The following CALN1 variants were observed in gnomAD, a reference collection of about 807,000 sequenced individuals.
The protein encoded by CALN1 is calcium-binding protein 8.
A neutral mutation model predicts 30.6 loss-of-function variants in CALN1; 17 were observed. The ratio of observed to expected loss-of-function variants is 0.56; its 90% CI spans 0.38 to 0.83. The LOEUF (loss-of-function observed/expected upper bound fraction) is 0.83. Ranked by LOEUF, CALN1 falls within the 40% of genes least tolerant of loss-of-function variation. The probability of loss-of-function intolerance (pLI) is 0.00; values close to 1 mark genes in which losing one functional copy is unlikely to be tolerated. For synonymous variants in CALN1, 156 were observed against 131.4 expected, an observed-to-expected ratio of 1.19 and a Z score of -1.28; for missense variants, 291 against 354.9, an observed-to-expected ratio of 0.82 and a Z score of 1.45.
chr7:72,322,215 C>A (rs1800932033), intron 2 of CALN1, among the ~76,000 whole-genome samples: 3 of 152,158 alleles, frequency 2.0e-5, no homozygotes, highest in Non-Finnish European at 4.4e-5. Context: ...ATTAGACTCT[C>A]ATAAGGAGGT....
intron 1 of CALN1, among the ~76,000 whole-genome samples, chr7:72,409,792 T>C (rs1484563109): frequency 6.6e-6 from 1 of 152,080 alleles, no homozygotes; most frequent in African/African-American, 2.4e-5. Flanking sequence ...GAAGACCCAA[T>C]TCAAAGAATC....
At chr7:72,211,222 G>A (rs775690186) in intron 3 of CALN1, among the ~76,000 whole-genome samples, 1 of 152,072 alleles carries the variant, frequency 6.6e-6, no homozygotes, top group Non-Finnish European at 1.5e-5. Flanking sequence ...CTCAGTCTCT[G>A]CACCTCTTTT....
chr7:71,916,255 A>G (rs1457156704), intron 5 of CALN1, among the ~76,000 whole-genome samples: 1 of 152,046 alleles, frequency 6.6e-6, no homozygotes, highest in Non-Finnish European at 1.5e-5. Context: ...TCAATCAAAC[A>G]TTCTTAGTCC....
chr7:72,420,385 A>T, intron 1 of CALN1, among the ~76,000 whole-genome samples: 1 of 151,848 alleles, frequency 6.6e-6, no homozygotes, highest in South Asian at 2.1e-4. Context: ...ACAGGGGCAG[A>T]TTTTGCTGAG....
At chr7:72,397,875 T>C (rs988179186) in intron 2 of CALN1, among the ~76,000 whole-genome samples, 2 of 152,296 alleles carry the variant, frequency 1.3e-5, no homozygotes, top group South Asian at 2.1e-4. Context: ...CCTTCCATTA[T>C]AAGCCAAGGA....
At chr7:72,370,006 C>T (rs113890777) in intron 2 of CALN1, among the ~76,000 whole-genome samples, 43 of 151,956 alleles carry the variant, frequency 2.8e-4, no homozygotes, top group Middle Eastern at 3.4e-3. Flanking sequence ...GTACATCATA[C>T]AAAAAATGTA....
chr7:71,830,025 G>A (rs923023312), intron 5 of CALN1, among the ~76,000 whole-genome samples: 56 of 138,642 alleles, frequency 4.0e-4, no homozygotes, highest in Non-Finnish European at 7.9e-4. Context: ...GTGTGCATGA[G>A]TAAGTTCCTT....
intron 2 of CALN1, among the ~76,000 whole-genome samples, chr7:72,397,475 G>A (rs779493742): frequency 5.3e-5 from 8 of 152,140 alleles, no homozygotes; most frequent in Non-Finnish European, 1.2e-4. Context: ...AGTATGATCA[G>A]GACTTGCAGC....
chr7:72,465,554 A>C, the CALN1 span, among the ~76,000 whole-genome samples: 1 of 152,222 alleles, frequency 6.6e-6, no homozygotes, highest in Admixed American at 6.5e-5. Flanking sequence ...AGAAATGAGC[A>C]GTGGAAATTG....
intron 5 of CALN1, among the ~76,000 whole-genome samples, chr7:71,976,893 G>A (rs980728287): frequency 1.3e-5 from 2 of 152,094 alleles, no homozygotes; most frequent in South Asian, 2.1e-4. Context: ...CAATTTGCAC[G>A]TGCAACCCGT....
chr7:72,174,774 A>C (rs947575185), intron 3 of CALN1, among the ~76,000 whole-genome samples: 18 of 152,208 alleles, frequency 1.2e-4, no homozygotes, highest in African/African-American at 4.3e-4. Flanking sequence ...AGGAATTGCA[A>C]GGACCATCAT....
intron 5 of CALN1, among the ~76,000 whole-genome samples, chr7:71,858,340 C>A (rs1440874883): frequency 6.6e-6 from 1 of 152,098 alleles, no homozygotes; most frequent in Non-Finnish European, 1.5e-5. Context: ...AACCTCTTTC[C>A]TTTATAAATC....
At chr7:72,339,603 C>G (rs1562904953) in intron 2 of CALN1, among the ~76,000 whole-genome samples, 1 of 152,162 alleles carries the variant, frequency 6.6e-6, no homozygotes, top group East Asian at 1.9e-4. Context: ...TCAGTCTGTT[C>G]TTATGCTGCT....
At chr7:72,281,154 A>C (rs1797712168) in intron 2 of CALN1, among the ~76,000 whole-genome samples, 1 of 151,834 alleles carries the variant, frequency 6.6e-6, no homozygotes. Context: ...AAAAAGATGA[A>C]TTCAGCCCCT....
chr7:71,921,848 CCCTTCCCAGACACAT>C (rs1010171736), intron 5 of CALN1, among the ~76,000 whole-genome samples: 2 of 151,822 alleles, frequency 1.3e-5, no homozygotes, highest in African/African-American at 4.8e-5. Flanking sequence ...CCATCCTACC[CCCTTCCCAGACACAT>C]CCTGGCCAAC....
upstream of CALN1, among the ~76,000 whole-genome samples, chr7:72,413,274 A>G (rs1406744514): frequency 2.0e-5 from 3 of 147,836 alleles, no homozygotes; most frequent in East Asian, 1.9e-4. Flanking sequence ...TCACACACAC[A>G]TGCACACACA....
At chr7:72,347,494 G>A (rs1342228773) in intron 2 of CALN1, among the ~76,000 whole-genome samples, 2 of 151,990 alleles carry the variant, frequency 1.3e-5, no homozygotes. Context: ...TCCAACTCCC[G>A]ACCTCAGGTG....
chr7:71,945,970 C>A (rs972413066), intron 5 of CALN1, among the ~76,000 whole-genome samples: 1 of 152,158 alleles, frequency 6.6e-6, no homozygotes, highest in Non-Finnish European at 1.5e-5. Context: ...AGGGCAGAGA[C>A]GACCTGGGCA....
intron 3 of CALN1, among the ~76,000 whole-genome samples, chr7:72,245,766 C>T (rs1795120091): frequency 6.6e-6 from 1 of 152,164 alleles, no homozygotes; most frequent in South Asian, 2.1e-4. Context: ...ACTCCAAAGC[C>T]CATGGTCTTT....
Sources: gnomAD v4.1 joint callset for allele counts (sites outside exome capture counted in the v4.1 genomes callset) on GRCh38, gnomAD v4.1.1 for gene constraint, MANE v1.5 for transcripts, NCBI Gene and HGNC (gene_info 2026-07-23, HGNC 2026-07-21) for gene names.